Variants in TTN observed in about 807,000 individuals in gnomAD.
The protein encoded by TTN is connectin.
Under a neutral mutation model 3,223.0 loss-of-function variants are expected in TTN, and 1,525 were observed. The observed-to-expected ratio is 0.47, with a 90% confidence interval of 0.45 to 0.49. TTN has a LOEUF of 0.49. TTN is among the 20% of genes least tolerant of loss of function. The pLI, the probability that TTN is intolerant of heterozygous loss-of-function variation, is 0.00. For synonymous variants in TTN, 14,094 were observed against 15,161.0 expected (o/e 0.93, Z 5.17); for missense variants, 40,786 against 43,424.0 (o/e 0.94, Z 5.40).
intron 40 of TTN, 95 bp downstream of exon 40, chr2:178,767,664 G>C: frequency 6.5e-7 from 1 of 1,530,616 alleles, no homozygotes; most frequent in Admixed American, 1.7e-5. Context: ...TTAAAGGATG[G>C]TGGTTAGAAA....
Position 178,689,894 on chromosome 2 carries a change from G to C in TTN, c.31765C>G (p.Pro10589Ala). Residue 10589 changes from proline to alanine, a missense_variant and splice_region_variant, in exon 122 of 363, where the codon CCA (proline) becomes GCA (alanine). Coordinates refer to ENST00000589042, the MANE Select transcript of TTN (RefSeq NM_001267550.2). The part of the protein sequence containing the change: ...KKEPAAPPKV[P>A]EVPKKPVPEE... ...GGGACAGGTTTCTTTGGCACCTCTG[G>C]GACTTAAAGTTTTTGAAACACAATG... is the stretch of plus-strand genomic sequence containing the variant. 2 of 1,612,644 alleles carry C rather than the reference G, an allele frequency of 1.2e-6. No homozygotes were observed. The highest frequency in any genetic ancestry group is 1.1e-5 in the South Asian group (1 of 90,802).
At chr2:178,738,622 C>T (rs1035966668) in intron 48 of TTN, among the ~76,000 whole-genome samples, 16 of 151,928 alleles carry the variant, frequency 1.1e-4, no homozygotes, top group African/African-American at 3.4e-4. Flanking sequence ...GGATTATATG[C>T]ATAACAACAT....
In TTN at chr2:178,605,446, A is replaced by C. The variant is rs2054558907; in HGVS notation, c.53849T>G (p.Leu17950Arg). ...VNEIGESEPS[L>R]PLNVVIQDDE... ...ATCTTGTATGACTACATTAAGAGGT[A>C]GGGATGGTTCACTTTCACCAATTTC... The change falls in exon 279 of 363, where the codon CTA becomes CGA. Residue 17950 changes from leucine (L) to arginine (R), a missense_variant. Transcript: ENST00000589042. 6.2e-7 allele frequency: 1 copy of C among 1,610,192 alleles called. No individual in the cohort carries two copies. The highest frequency in any genetic ancestry group is 8.5e-7 in the Non-Finnish European group (1 of 1,177,624).
intron 47 of TTN, among the ~76,000 whole-genome samples, chr2:178,742,334 A>C (rs1387696586): frequency 6.6e-6 from 1 of 152,134 alleles, no homozygotes; most frequent in Non-Finnish European, 1.5e-5. Flanking sequence ...GTTAAGAATA[A>C]TCTTCTTTGT....
chr2:178,642,812 T>C (rs2061416759), intron 218 of TTN, among the ~76,000 whole-genome samples: 1 of 152,016 alleles, frequency 6.6e-6, no homozygotes, highest in Admixed American at 6.6e-5. Flanking sequence ...CATATCTCAC[T>C]TTCTGAACAG....
chr2:178,558,462 A>G lies in TTN; in HGVS notation c.86997T>C (p.His28999=), dbSNP rs779809814. 1 of 1,613,824 alleles carries G rather than the reference A, an allele frequency of 6.2e-7. No individual in the cohort carries two copies. The highest frequency in any genetic ancestry group is 1.7e-5 in the Admixed American group (1 of 59,998). The part of the protein sequence containing the change: ...WVKCAVAKST[H]HVVSGLRENS... ...TCTCTCTCAGACCGGAAACAACGTG[A>G]TGGGTTGACTTTGCCACTGCACATT... Residue 28999 remains histidine (H), a synonymous_variant, in exon 327 of 363, where the codon CAT becomes CAC. Transcript: ENST00000589042.
At chr2:178,771,076 A>G (rs991913182) in intron 34 of TTN, 135 bp downstream of exon 34, 9 of 1,385,712 alleles carry the variant, frequency 6.5e-6, no homozygotes, top group Non-Finnish European at 8.0e-6. Context: ...TGTCTCAGGA[A>G]GGTTTAGAGG....
In TTN at chr2:178,570,570, T is replaced by C; in HGVS notation, c.75562A>G (p.Asn25188Asp). The stretch of plus-strand genomic sequence containing the variant: ...GTAACTGATCTTTCTCCTGCAACAT[T>C]TTTGGCCTTCAGTATGTAATTTCCA... Reference protein sequence around the residue: ...DSGNYILKAKNVAGERSVTVN... With the variant: ...DSGNYILKAKDVAGERSVTVN... The change falls in exon 326 of 363, where the codon AAT (asparagine) becomes GAT (aspartate). Residue 25188 changes from asparagine to aspartate, a missense_variant. Transcript: ENST00000589042. 1 of 1,613,364 alleles carries C rather than the reference T, an allele frequency of 6.2e-7. No homozygotes were observed. The highest frequency in any genetic ancestry group is 8.5e-7 in the Non-Finnish European group (1 of 1,179,610).
rs1400142490 is a variant in TTN, at chr2:178,607,441, G to A, written c.53247C>T (p.Ser17749=). The A allele has an allele frequency of 6.2e-7, 1 of 1,613,180 alleles. No individual in the cohort carries two copies. The highest frequency in any genetic ancestry group is 1.7e-5 in the Admixed American group (1 of 59,970). Residue 17749 remains serine, a synonymous_variant, in exon 277 of 363, where the codon AGC becomes AGT. Transcript: ENST00000589042. Reference sequence around the variant, plus strand: ...TGGCTGCTGCAAATTTGGAACCACAGCTATTTGTAGCTGTAATCACATATC... The same window carrying A: ...TGGCTGCTGCAAATTTGGAACCACAACTATTTGTAGCTGTAATCACATATC... ...HGRYVITATN[S]CGSKFAAARV...
Position 178,609,366 on chromosome 2 carries a change from A to G in TTN, c.51944T>C (p.Val17315Ala), listed in dbSNP as rs1338519299. The G allele has an allele frequency of 1.9e-6, 3 of 1,612,170 alleles. No homozygotes were observed. The highest frequency in any genetic ancestry group is 2.7e-5 in the African/African-American group (2 of 74,804). The change falls in exon 273 of 363, where the codon GTC becomes GCC. Residue 17315 changes from valine (V) to alanine (A), a missense_variant. Physicochemically the swap from Val to Ala is moderately conservative, Grantham distance 64 (BLOSUM62 0). Coordinates refer to ENST00000589042, the MANE Select transcript of TTN (RefSeq NM_001267550.2). ...KGEVQEEEPF[V>A]LPLTQRLSID... Reference sequence around the variant, plus strand: ...ACTCAAACGCTGTGTCAGAGGCAGGACAAATGGTTCTTCTTCTTGAACTTC... The same window carrying G: ...ACTCAAACGCTGTGTCAGAGGCAGGGCAAATGGTTCTTCTTCTTGAACTTC...
Position 178,608,588 on chromosome 2 carries a change from A to G in TTN, c.52405+18T>C. On this transcript the variant is annotated intron_variant, in intron 274 of 362. Transcript: ENST00000589042. ...TACATGGTAAAAAGGCAAACTTTAG[A>G]TGCCAAAGGAAACTTACCAAATGGA... is the stretch of plus-strand genomic sequence containing the variant. 6.2e-7 allele frequency: 1 copy of G among 1,602,154 alleles called. No homozygotes were observed. The highest frequency in any genetic ancestry group is 8.5e-7 in the Non-Finnish European group (1 of 1,175,326).
intron 11 of TTN, 132 bp from the exon 12 acceptor site, chr2:178,790,247 TCA>T: frequency 1.1e-6 from 1 of 913,206 alleles, no homozygotes; most frequent in Non-Finnish European, 1.6e-6. Flanking sequence ...CTAAAATATA[TCA>T]TTTGAGTTAC....
chr2:178,627,301 C>T (rs1336776901), intron 240 of TTN, among the ~76,000 whole-genome samples: 1 of 151,938 alleles, frequency 6.6e-6, no homozygotes, highest in Non-Finnish European at 1.5e-5. Context: ...TTCATATTTC[C>T]TATTCCTACA....
rs756745318 is a variant in TTN at position 178,618,009 on chromosome 2, G to T, written c.47342C>A (p.Pro15781Gln). 1 of 1,612,500 alleles carries T rather than the reference G, an allele frequency of 6.2e-7. No individual in the cohort carries two copies. The highest frequency in any genetic ancestry group is 8.5e-7 in the Non-Finnish European group (1 of 1,179,110). Residue 15781 changes from proline (P) to glutamine (Q), a missense_variant, in exon 253 of 363, where the codon CCA becomes CAA. Transcript: ENST00000589042. ...NRFGVSLTWE[P>Q]PEYDGGAEIT... ...CTCAGCACCTCCATCATACTCTGGT[G>T]GTTCCCATGTCAGTGAGACACCAAA... is the stretch of plus-strand genomic sequence containing the variant.
At chr2:178,684,806 G>T in intron 130 of TTN, 57 bp from the exon 131 acceptor site, 1 of 1,566,938 alleles carries the variant, frequency 6.4e-7, no homozygotes, top group Non-Finnish European at 8.7e-7. Flanking sequence ...ACTAAACACA[G>T]GCACACTTAT....
chr2:178,748,431 G>A (rs2084324453), intron 47 of TTN: 6 of 1,613,008 alleles, frequency 3.7e-6, no homozygotes, highest in Admixed American at 1.7e-5. Context: ...TGTGTGTCAG[G>A]TTGTAACGTT....
rs757122712 is a variant in TTN, at chr2:178,614,631, C to A, written c.48883G>T (p.Ala16295Ser). Residue 16295 changes from alanine to serine, a missense_variant, in exon 261 of 363, where the codon GCT becomes TCT. Coordinates refer to ENST00000589042, the MANE Select transcript of TTN (RefSeq NM_001267550.2). ...TTGTCCTGCTTCAGAATCATATCAG[C>A]CTTTGTCCAAGTTATTTTAGGTTCA... ...KPEPKITWTK[A>S]DMILKQDKRI... The A allele has an allele frequency of 2.5e-6, 4 of 1,612,286 alleles. No homozygotes were observed. The African/African-American group carries it at 5.3e-5, about 22-fold the overall frequency.
In TTN at chr2:178,621,522, T is replaced by C; in HGVS notation, c.45302A>G (p.Asn15101Ser). 1 of 1,612,454 alleles carries C rather than the reference T, an allele frequency of 6.2e-7. No individual in the cohort carries two copies. Among genetic ancestry groups the C allele is most frequent in the Non-Finnish European group, 8.5e-7 (1 of 1,179,068 alleles). ...NAHLEDAGNY[N>S]CRLPSSRTDG... Reference sequence around the variant, plus strand: ...GGTTCGAGAGCTTGGGAGTCGACAGTTGTAGTTGCCAGCATCCTCAAGGTG... The same window carrying C: ...GGTTCGAGAGCTTGGGAGTCGACAGCTGTAGTTGCCAGCATCCTCAAGGTG... Residue 15101 changes from asparagine (N) to serine (S), a missense_variant, in exon 245 of 363, where the codon AAC (asparagine) becomes AGC (serine). Physicochemically the swap from Asn to Ser is conservative, Grantham distance 46. Coordinates refer to ENST00000589042, the MANE Select transcript of TTN (RefSeq NM_001267550.2).
rs369062122 is a variant in TTN at position 178,562,002 on chromosome 2, T to G, written c.84130A>C (p.Ile28044Leu). ...ELCVSNSAGS[I>L]TVPITIIVLD... ...ACAATTATAGTAATAGGAACTGTTA[T>G]GGATCCAGCACTGTTTGAAACACAT... Residue 28044 changes from isoleucine (I) to leucine (L), a missense_variant, in exon 326 of 363, where the codon ATA becomes CTA. Coordinates refer to ENST00000589042, the MANE Select transcript of TTN (RefSeq NM_001267550.2). 6.8e-6 allele frequency: 11 copies of G among 1,613,528 alleles called. No homozygotes were observed. In the East Asian group the frequency reaches 8.9e-5, roughly 13 times the overall value.
Sources: allele counts gnomAD v4.1 joint callset (sites outside exome capture counted in the v4.1 genomes callset), GRCh38; gene constraint gnomAD v4.1.1; transcripts MANE v1.5; gene names NCBI Gene and HGNC (gene_info 2026-07-23, HGNC 2026-07-21).